The following STPG2 variants were observed in gnomAD, a reference collection of about 807,000 sequenced individuals.
STPG2 encodes the protein sperm-tail PG-rich repeat-containing protein 2.
STPG2 carries 56 observed loss-of-function variants against 54.2 expected under a neutral mutation model. The observed-to-expected ratio is 1.03, with a 90% CI of 0.83 to 1.29. STPG2 has a LOEUF of 1.29. Among genes scored for constraint, STPG2 ranks in the 50% most tolerant of loss-of-function variants. The pLI, the probability that STPG2 is intolerant of heterozygous loss-of-function variation, is 0.00. For missense variants in STPG2, 596 were observed against 544.9 expected (o/e 1.09, Z -0.93); for synonymous variants, 200 against 181.8 (o/e 1.10, Z -0.81).
intron 9 of STPG2, among the ~76,000 whole-genome samples, chr4:97,799,799 C>T (rs1050738779): frequency 7.9e-5 from 12 of 152,226 alleles, no homozygotes; most frequent in Admixed American, 2.6e-4. Flanking sequence ...GTTCCATTCT[C>T]CCCGTCACTT....
intron 10 of STPG2, among the ~76,000 whole-genome samples, chr4:97,695,804 G>A (rs78168803): frequency 0.018 from 2,684 of 149,546 alleles, 74 homozygotes; most frequent in African/African-American, 0.062. Flanking sequence ...AACCAAGGAA[G>A]TGAAAGACTT....
intron 9 of STPG2, among the ~76,000 whole-genome samples, chr4:97,804,916 T>G (rs994770468): frequency 6.6e-6 from 1 of 152,220 alleles, no homozygotes; most frequent in African/African-American, 2.4e-5. Flanking sequence ...ATGTAGGAGC[T>G]ATAGGCTATA....
rs764861444 is a variant in STPG2, at chr4:97,695,753, GA to G, written c.1320+16945del. On this transcript the variant is annotated intron_variant, in intron 10 of 10. Coordinates refer to ENST00000295268, the MANE Select transcript of STPG2 (RefSeq NM_174952.3). ...AACACAACCCCTTTTAAAACAGATG[GA>G]AAAAAAAAAAAAGAAACTACTTAGG... Among the ~76,000 whole-genome samples, 881 of 131,082 alleles carry G rather than the reference GA, an allele frequency of 6.7e-3. 9 individuals are homozygous for G. Among genetic ancestry groups the G allele is most frequent in the African/African-American group, 0.017 (623 of 35,876 alleles). The allele number at this position is 131,082 out of a possible 152,430, so 86.0% of individuals were successfully genotyped here. A position where few individuals can be genotyped will look rare whatever the true frequency, so the allele number is the denominator to read the frequency against.
intron 10 of STPG2, among the ~76,000 whole-genome samples, chr4:97,700,145 C>T (rs1723723355): frequency 6.6e-6 from 1 of 152,136 alleles, no homozygotes; most frequent in South Asian, 2.1e-4. Flanking sequence ...TCCTAGAGGT[C>T]TCTGCTGTGA....
intron 9 of STPG2, among the ~76,000 whole-genome samples, chr4:97,790,255 C>T (rs1560529005): frequency 6.6e-6 from 1 of 152,030 alleles, no homozygotes; most frequent in Non-Finnish European, 1.5e-5. Flanking sequence ...GAGATTTTTG[C>T]CTTTTCCAGA....
intron 10 of STPG2, among the ~76,000 whole-genome samples, chr4:97,652,556 C>T (rs987046180): frequency 3.0e-4 from 46 of 151,966 alleles, no homozygotes; most frequent in Middle Eastern, 3.4e-3. Flanking sequence ...TTTAAATTTA[C>T]ATCTTTTACC....
At chr4:98,033,159 C>A (rs28813740) in intron 5 of STPG2, among the ~76,000 whole-genome samples, 1 of 151,230 alleles carries the variant, frequency 6.6e-6, no homozygotes, top group Non-Finnish European at 1.5e-5. Context: ...ATCAATGAAT[C>A]CAGGAGCTAG....
At chr4:97,734,311 G>T (rs749543394) in intron 9 of STPG2, among the ~76,000 whole-genome samples, 7 of 152,082 alleles carry the variant, frequency 4.6e-5, no homozygotes, top group Non-Finnish European at 8.8e-5. Flanking sequence ...TTGCAGGTTT[G>T]TTACATAGGT....
At chr4:97,561,743 A>G (rs1416819155) in intron 10 of STPG2, among the ~76,000 whole-genome samples, 1 of 152,160 alleles carries the variant, frequency 6.6e-6, no homozygotes. Flanking sequence ...CAAAGATCAG[A>G]TAGTTGTAGA....
rs190273029 is a variant in STPG2, at chr4:98,089,950, T to A, written c.612+16003A>T. On this transcript the variant is annotated intron_variant, in intron 5 of 10. Coordinates refer to ENST00000295268, the MANE Select transcript of STPG2 (RefSeq NM_174952.3). ...CTTCCTTGTAAATTCTGAATACTAGTCCTTTGTCAGATGCATGGTTTGTGA... is the reference window on the plus strand; with the variant it reads ...CTTCCTTGTAAATTCTGAATACTAGACCTTTGTCAGATGCATGGTTTGTGA... Among the ~76,000 whole-genome samples the A allele has an allele frequency of 4.6e-5, 7 of 152,212 alleles. No individual in the cohort carries two copies. In the East Asian group the frequency reaches 1.4e-3, roughly 29 times the overall value.
chr4:97,865,327 A>C lies in STPG2; in HGVS notation c.1045-24395T>G, dbSNP rs1729727652. 3.9e-5 allele frequency among the ~76,000 whole-genome samples: 6 copies of C among 152,304 alleles called. No homozygotes were observed. The South Asian group carries it at 1.2e-3, about 32-fold the overall frequency. On this transcript the variant is annotated intron_variant, in intron 8 of 10. Transcript: ENST00000295268. Reference sequence around the variant, plus strand: ...CAAAAGAAGACATTTATGCAGCCAAAAGACACATGAAAAAATGCTCATCAT... The same window carrying C: ...CAAAAGAAGACATTTATGCAGCCAACAGACACATGAAAAAATGCTCATCAT...
intron 5 of STPG2, among the ~76,000 whole-genome samples, chr4:98,104,909 T>C (rs999126801): frequency 2.0e-5 from 3 of 152,174 alleles, no homozygotes; most frequent in African/African-American, 4.8e-5. Flanking sequence ...AGATATCTAG[T>C]ATTACCATTG....
chr4:97,819,110 C>T (rs1373158112), intron 9 of STPG2, among the ~76,000 whole-genome samples: 2 of 151,516 alleles, frequency 1.3e-5, no homozygotes, highest in Non-Finnish European at 3.0e-5. Flanking sequence ...CACAAATCCC[C>T]AAAACTGATC....
At chr4:97,596,982 T>C (rs1733311786) in intron 10 of STPG2, among the ~76,000 whole-genome samples, 1 of 151,930 alleles carries the variant, frequency 6.6e-6, no homozygotes, top group Admixed American at 6.6e-5. Flanking sequence ...AAGAGTTTGT[T>C]TTCATGAAAG....
intron 10 of STPG2, among the ~76,000 whole-genome samples, chr4:97,658,943 T>G (rs764264930): frequency 3.3e-5 from 5 of 152,204 alleles, no homozygotes; most frequent in African/African-American, 4.8e-5. Flanking sequence ...ATTATCCTCT[T>G]CTACCCCAGG....
intron 5 of STPG2, among the ~76,000 whole-genome samples, chr4:97,998,473 T>C (rs1374681293): frequency 6.6e-6 from 1 of 151,982 alleles, no homozygotes; most frequent in Admixed American, 6.6e-5. Flanking sequence ...GGACTAGAAA[T>C]ACTACATGCA....
intron 5 of STPG2, among the ~76,000 whole-genome samples, chr4:97,992,122 CTTTGT>C (rs1560626037): frequency 5.9e-5 from 9 of 152,024 alleles, no homozygotes. Flanking sequence ...ATCCATTTAT[CTTTGT>C]TTCTGTTGCG....
intron 5 of STPG2, among the ~76,000 whole-genome samples, chr4:98,056,848 T>A (rs1178032467): frequency 1.3e-5 from 2 of 151,824 alleles, no homozygotes; most frequent in African/African-American, 2.4e-5. Context: ...GCCTCTTTAC[T>A]CTCTCTCTCT....
chr4:98,022,664 G>A (rs1407989456), intron 5 of STPG2, among the ~76,000 whole-genome samples: 4 of 152,112 alleles, frequency 2.6e-5, no homozygotes, highest in African/African-American at 4.8e-5. Flanking sequence ...TCAATCAGAC[G>A]TAGATTTGGT....
Sources: gnomAD v4.1 joint callset for allele counts (sites outside exome capture counted in the v4.1 genomes callset) on GRCh38, gnomAD v4.1.1 for gene constraint, MANE v1.5 for transcripts, NCBI Gene and HGNC (gene_info 2026-07-23, HGNC 2026-07-21) for gene names.